Variants in SORCS2 observed in about 807,000 individuals in gnomAD.
The protein encoded by SORCS2 is VPS10 domain-containing receptor SorCS2.
SORCS2 carries 100 observed loss-of-function variants against 141.6 expected under a neutral mutation model. The ratio of observed to expected loss-of-function variants is 0.71; its 90% CI spans 0.60 to 0.83. The LOEUF is 0.83. Among genes scored for constraint, SORCS2 ranks in the 40% least tolerant of loss-of-function variants. The pLI is 0.00. For missense variants in SORCS2, 1,646 were observed against 1,560.2 expected, an observed-to-expected ratio of 1.05 and a Z score of -0.93; for synonymous variants, 789 against 676.9, an observed-to-expected ratio of 1.17 and a Z score of -2.57.
chr4:7,602,539 C>T (rs985761677), intron 3 of SORCS2, among the ~76,000 whole-genome samples: 1 of 150,890 alleles, frequency 6.6e-6, no homozygotes, highest in African/African-American at 2.4e-5. Flanking sequence ...AGAGACGCTC[C>T]TCACTTCCTA....
chr4:7,677,114 C>T (rs1232208649), intron 9 of SORCS2, among the ~76,000 whole-genome samples: 1 of 152,090 alleles, frequency 6.6e-6, no homozygotes, highest in African/African-American at 2.4e-5. Flanking sequence ...ACCCTCCCTG[C>T]TGCCACTTCT....
chr4:7,620,066 T>C (rs1719061838), intron 3 of SORCS2, among the ~76,000 whole-genome samples: 1 of 151,394 alleles, frequency 6.6e-6, no homozygotes, highest in Non-Finnish European at 1.5e-5. Context: ...CTTCCTCCTC[T>C]TCTTCCTCCT....
chr4:7,673,225 G>A (rs1322790466), intron 8 of SORCS2, among the ~76,000 whole-genome samples: 1 of 152,194 alleles, frequency 6.6e-6, no homozygotes, highest in Non-Finnish European at 1.5e-5. Flanking sequence ...GCTGGTGGGG[G>A]AGATACTAAT....
chr4:7,232,235 G>A (rs913979008), intron 1 of SORCS2, among the ~76,000 whole-genome samples: 9 of 152,138 alleles, frequency 5.9e-5, no homozygotes, highest in African/African-American at 2.2e-4. Flanking sequence ...GCTTTGGCAG[G>A]ATGGATGAGG....
chr4:7,357,522 C>T (rs531052119), intron 1 of SORCS2, among the ~76,000 whole-genome samples: 10 of 152,286 alleles, frequency 6.6e-5, no homozygotes, highest in African/African-American at 2.2e-4. Context: ...GCGTTGATTA[C>T]GCACTTCACG....
chr4:7,411,640 C>G (rs4689737), intron 2 of SORCS2, among the ~76,000 whole-genome samples: 1 of 152,070 alleles, frequency 6.6e-6, no homozygotes, highest in Admixed American at 6.5e-5. Context: ...ACCTGCCTTT[C>G]CTCCCTCCAT....
chr4:7,358,129 A>G (rs888116750), intron 1 of SORCS2, among the ~76,000 whole-genome samples: 1 of 152,232 alleles, frequency 6.6e-6, no homozygotes, highest in Non-Finnish European at 1.5e-5. Context: ...GAAAGGGCAC[A>G]GAGAATGAAT....
intron 3 of SORCS2, among the ~76,000 whole-genome samples, chr4:7,598,303 G>A (rs1717421353): frequency 6.6e-6 from 1 of 152,156 alleles, no homozygotes; most frequent in African/African-American, 2.4e-5. Flanking sequence ...GGAGGTGGAG[G>A]GCTGGGGCTG....
At chr4:7,351,602 G>T (rs2109006900) in intron 1 of SORCS2, among the ~76,000 whole-genome samples, 1 of 152,198 alleles carries the variant, frequency 6.6e-6, no homozygotes. Context: ...AGAGGGGACA[G>T]TTCATGCTCC....
intron 1 of SORCS2, among the ~76,000 whole-genome samples, chr4:7,209,971 A>G (rs1194960831): frequency 6.6e-6 from 1 of 152,214 alleles, no homozygotes; most frequent in Non-Finnish European, 1.5e-5. Flanking sequence ...AGCATGGTCC[A>G]TGTCCTGGTG....
chr4:7,737,601 C>T (rs1259567304), intron 26 of SORCS2, among the ~76,000 whole-genome samples: 1 of 152,216 alleles, frequency 6.6e-6, no homozygotes, highest in African/African-American at 2.4e-5. Flanking sequence ...GAGCACGCCA[C>T]ACATGGACCT....
intron 2 of SORCS2, chr4:7,434,303 G>A (rs1464100123): frequency 1.1e-5 from 18 of 1,611,714 alleles, no homozygotes; most frequent in African/African-American, 4.0e-5. Context: ...TCCTGGAGTC[G>A]GGAGACCTGC....
At chr4:7,422,229 A>G (rs1726126605) in intron 2 of SORCS2, among the ~76,000 whole-genome samples, 1 of 151,962 alleles carries the variant, frequency 6.6e-6, no homozygotes, top group Non-Finnish European at 1.5e-5. Flanking sequence ...TGCCCTCTTG[A>G]GTGGGCCACC....
chr4:7,714,443 T>C, intron 16 of SORCS2, 70 bp downstream of exon 16: 1 of 1,498,126 alleles, frequency 6.7e-7, no homozygotes, highest in South Asian at 1.2e-5. Flanking sequence ...GGCGGCCACT[T>C]CCCTCAGAGT....
chr4:7,349,892 C>G (rs1270731684), intron 1 of SORCS2, among the ~76,000 whole-genome samples: 2 of 152,178 alleles, frequency 1.3e-5, no homozygotes, highest in Non-Finnish European at 2.9e-5. Context: ...ACAACTCTCC[C>G]AAGTGTTTGG....
At chr4:7,419,467 G>C (rs979901789) in intron 2 of SORCS2, among the ~76,000 whole-genome samples, 4 of 152,154 alleles carry the variant, frequency 2.6e-5, no homozygotes, top group Admixed American at 2.6e-4. Context: ...TATAGCAATG[G>C]GCCTTGTATT....
chr4:7,497,999 C>A (rs1429124770), intron 2 of SORCS2, among the ~76,000 whole-genome samples: 2 of 152,232 alleles, frequency 1.3e-5, no homozygotes, highest in Non-Finnish European at 2.9e-5. Flanking sequence ...GTGCCCACAG[C>A]CTGTTTCCCT....
At chr4:7,564,335 G>A (rs1157852648) in intron 3 of SORCS2, among the ~76,000 whole-genome samples, 3 of 152,292 alleles carry the variant, frequency 2.0e-5, no homozygotes, top group African/African-American at 7.2e-5. Flanking sequence ...CTGGCTGACT[G>A]TCCCTGCCCT....
chr4:7,435,230 G>T (rs569284306), intron 2 of SORCS2, among the ~76,000 whole-genome samples: 150 of 152,204 alleles, frequency 9.9e-4, no homozygotes, highest in Non-Finnish European at 1.7e-3. Flanking sequence ...TCCCTTCCCT[G>T]CAGCTCACTG....
Sources: allele counts gnomAD v4.1 joint callset (sites outside exome capture counted in the v4.1 genomes callset), GRCh38; gene constraint gnomAD v4.1.1; transcripts MANE v1.5; gene names NCBI Gene and HGNC (gene_info 2026-07-23, HGNC 2026-07-21).